CCDC81: variants seen among roughly 807,000 people sequenced by gnomAD.
CCDC81 encodes coiled-coil domain-containing protein 81.
CCDC81 carries 79 observed loss-of-function variants against 83.7 expected under a neutral mutation model. That is an observed-to-expected ratio of 0.94 (90% confidence interval 0.79 to 1.14). CCDC81 has a LOEUF of 1.14. Among genes scored for constraint, CCDC81 ranks in the 50% most tolerant of loss-of-function variants. CCDC81 has a pLI of 0.00. For synonymous variants in CCDC81, 252 were observed against 278.1 expected (o/e 0.91, Z 0.93); for missense variants, 791 against 778.1 (o/e 1.02, Z -0.20).
At chr11:86,389,357 G>A (rs927255829) in intron 3 of CCDC81, among the ~76,000 whole-genome samples, 1 of 152,088 alleles carries the variant, frequency 6.6e-6, no homozygotes, top group African/African-American at 2.4e-5. Flanking sequence ...AATTAACTAG[G>A]TAACTGTATT....
intron 3 of CCDC81, 72 bp downstream of exon 3, chr11:86,387,744 CGTAGCCAGTGCTGCT>C (rs1195490292): frequency 2.8e-6 from 3 of 1,060,326 alleles, no homozygotes; most frequent in Non-Finnish European, 1.4e-6. Context: ...AAGGGCAAAG[CGTAGCCAGTGCTGCT>C]GTCTTACCTT....
chr11:86,414,226 T>C (rs1948684782), intron 11 of CCDC81: 1 of 152,186 alleles, frequency 6.6e-6, no homozygotes, highest in African/African-American at 2.4e-5. Flanking sequence ...GCTGTTTTAG[T>C]AGTAAGGCAT....
intron 2 of CCDC81, among the ~76,000 whole-genome samples, chr11:86,386,495 G>A (rs1174574591): frequency 6.6e-6 from 1 of 152,126 alleles, no homozygotes; most frequent in Non-Finnish European, 1.5e-5. Flanking sequence ...TGCAGGGAAT[G>A]GATTTTAACT....
rs758610625 is a variant in CCDC81, at chr11:86,400,679, TATCTC to T, written c.763_767del (p.Ser255ThrfsTer7). 15 of 1,604,412 alleles carry T rather than the reference TATCTC, an allele frequency of 9.3e-6. No homozygotes were observed. Among genetic ancestry groups the T allele is most frequent in the Non-Finnish European group, 1.2e-5 (14 of 1,172,402 alleles). ...TTTCATTCATTCTTTATTCTACAGA[TATCTC>T]ATCACCCAAAAGACTTCGAGATAGA... On this transcript the variant is annotated frameshift_variant and splice_region_variant, in exon 7 of 15. Transcript: ENST00000445632. LOFTEE classifies it high-confidence loss of function.
chr11:86,395,350 A>G lies in CCDC81; in HGVS notation c.572A>G (p.Asp191Gly). 1 of 1,613,776 alleles carries G rather than the reference A, an allele frequency of 6.2e-7. No individual in the cohort carries two copies. Among genetic ancestry groups the G allele is most frequent in the Non-Finnish European group, 8.5e-7 (1 of 1,179,872 alleles). The stretch of plus-strand genomic sequence containing the variant: ...GTCCTCTAGAGGCCTGGCACTGTGG[A>G]CTCGGTGTTGTCTAGCAGAGAGGCC... ...KALANRPGTV[D>G]SVLSSREALR... The change falls in exon 5 of 15, where the codon GAC (aspartate) becomes GGC (glycine). Residue 191 changes from aspartate to glycine, a missense_variant. Physicochemically the swap from Asp to Gly is moderately conservative, Grantham distance 94. Coordinates refer to ENST00000445632, the MANE Select transcript of CCDC81 (RefSeq NM_001156474.2).
Position 86,387,567 on chromosome 11 carries a change from G to C in CCDC81, c.193G>C (p.Glu65Gln). 6.2e-7 allele frequency: 1 copy of C among 1,613,934 alleles called. No individual in the cohort carries two copies. Among genetic ancestry groups the C allele is most frequent in the Non-Finnish European group, 8.5e-7 (1 of 1,179,864 alleles). The change falls in exon 3 of 15, where the codon GAG becomes CAG. Residue 65 changes from glutamate (E) to glutamine (Q), a missense_variant. Transcript: ENST00000445632. ...GTFTFIRQKL[E>Q]VGNNKFILIQ... Reference sequence around the variant, plus strand: ...TTTCACTTTCATAAGACAAAAGCTTGAGGTGGGAAACAACAAATTTATCTT... The same window carrying C: ...TTTCACTTTCATAAGACAAAAGCTTCAGGTGGGAAACAACAAATTTATCTT...
intron 13 of CCDC81, among the ~76,000 whole-genome samples, chr11:86,417,735 A>T (rs151292581): frequency 6.6e-6 from 1 of 150,818 alleles, no homozygotes; most frequent in East Asian, 1.9e-4. Context: ...TGTACGGTAC[A>T]TCTAATTTTC....
At chr11:86,416,529 A>G (rs959966220) in intron 13 of CCDC81, among the ~76,000 whole-genome samples, 32 of 152,348 alleles carry the variant, frequency 2.1e-4, no homozygotes, top group African/African-American at 7.2e-4. Flanking sequence ...GCCAGATCAC[A>G]TGTAAGGTCT....
chr11:86,379,513 T>C (rs902278397), intron 1 of CCDC81, among the ~76,000 whole-genome samples: 2 of 152,212 alleles, frequency 1.3e-5, no homozygotes, highest in Non-Finnish European at 2.9e-5. Context: ...GTGATTGTTT[T>C]ATAATAACAA....
chr11:86,375,123 A>AC lies in CCDC81; in HGVS notation c.-38dup. ...GCACATTCCATATAAGAAAGAAGAG[A>AC]CCCATCGAACATTCAGTACGGAGTC... On this transcript the variant is annotated 5_prime_UTR_variant, in exon 1 of 15. Transcript: ENST00000445632. 3 of 1,516,528 alleles carry AC rather than the reference A, an allele frequency of 2.0e-6. No homozygotes were observed. Among genetic ancestry groups the AC allele is most frequent in the Non-Finnish European group, 2.7e-6 (3 of 1,091,576 alleles). The allele number at this position is 1,516,528 out of a possible 1,614,324, so 93.9% of individuals were successfully genotyped here.
intron 6 of CCDC81, among the ~76,000 whole-genome samples, chr11:86,399,969 A>T (rs892725163): frequency 4.7e-5 from 4 of 84,286 alleles, no homozygotes; most frequent in South Asian, 8.6e-4. Flanking sequence ...CTACTACTAC[A>T]AAAAAAAAAA....
chr11:86,419,885 C>A, intron 13 of CCDC81, 43 bp from the exon 14 acceptor site: 1 of 1,548,148 alleles, frequency 6.5e-7, no homozygotes, highest in South Asian at 1.3e-5. Flanking sequence ...TTGGTGCATG[C>A]TCTTCCAAGT....
intron 2 of CCDC81, 57 bp from the exon 3 acceptor site, chr11:86,387,459 A>G: frequency 6.5e-7 from 1 of 1,534,576 alleles, no homozygotes; most frequent in African/African-American, 1.4e-5. Context: ...AATATTAAGG[A>G]TTATTTTTTC....
intron 4 of CCDC81, among the ~76,000 whole-genome samples, chr11:86,393,539 G>T (rs1238550629): frequency 6.6e-6 from 1 of 151,984 alleles, no homozygotes; most frequent in Non-Finnish European, 1.5e-5. Context: ...CTAACCACTT[G>T]GTTTTTGCTG....
At chr11:86,417,405 T>TAAGC (rs1948735326) in intron 13 of CCDC81, among the ~76,000 whole-genome samples, 1 of 152,064 alleles carries the variant, frequency 6.6e-6, no homozygotes, top group South Asian at 2.1e-4. Flanking sequence ...TTTTCCTTTT[T>TAAGC]AAGCAATATG....
Position 86,395,380 on chromosome 11 carries a change from G to C in CCDC81, c.602G>C (p.Arg201Thr). Reference sequence around the variant, plus strand: ...GTGTTGTCTAGCAGAGAGGCCTTGAGGAAGTGGCCCAGCAGTGTGCTTGCG... The same window carrying C: ...GTGTTGTCTAGCAGAGAGGCCTTGACGAAGTGGCCCAGCAGTGTGCTTGCG... ...DSVLSSREAL[R>T]KWPSSVLAFP... is the part of the protein sequence containing the mutation. The change falls in exon 5 of 15, where the codon AGG becomes ACG. Residue 201 changes from arginine to threonine, a missense_variant. Physicochemically the swap from Arg to Thr is moderately conservative, Grantham distance 71. Coordinates refer to ENST00000445632, the MANE Select transcript of CCDC81 (RefSeq NM_001156474.2). The C allele has an allele frequency of 6.2e-7, 1 of 1,614,136 alleles. No individual in the cohort carries two copies. The highest frequency in any genetic ancestry group is 8.5e-7 in the Non-Finnish European group (1 of 1,179,994).
At chr11:86,396,705 T>C (rs1422561591) in intron 5 of CCDC81, among the ~76,000 whole-genome samples, 3 of 152,184 alleles carry the variant, frequency 2.0e-5, no homozygotes, top group Non-Finnish European at 4.4e-5. Context: ...ATGCAACTAA[T>C]AAGCAGCCAA....
intron 10 of CCDC81, 57 bp from the exon 11 acceptor site, chr11:86,412,330 T>A (rs769396666): frequency 1.2e-5 from 16 of 1,315,066 alleles, no homozygotes; most frequent in Non-Finnish European, 1.7e-5. Context: ...TCTTCTGAAT[T>A]ATTAACCTTG....
chr11:86,406,679 C>T (rs1948570830), intron 7 of CCDC81, among the ~76,000 whole-genome samples: 1 of 152,048 alleles, frequency 6.6e-6, no homozygotes, highest in Admixed American at 6.6e-5. Flanking sequence ...GTGGTGTGCA[C>T]CTGTAATCCC....
Sources: gnomAD v4.1 joint callset for allele counts (sites outside exome capture counted in the v4.1 genomes callset) on GRCh38, gnomAD v4.1.1 for gene constraint, MANE v1.5 for transcripts, NCBI Gene and HGNC (gene_info 2026-07-23, HGNC 2026-07-21) for gene names.